PHF12: variants seen among roughly 807,000 people sequenced by gnomAD.
PHF12 encodes PHD factor 1.
PHF12 carries 6 observed loss-of-function variants against 99.8 expected under a neutral mutation model. The observed-to-expected ratio is 0.06, with a 90% CI of 0.03 to 0.12. The LOEUF (loss-of-function observed/expected upper bound fraction) is 0.12. Ranked by LOEUF, PHF12 falls within the 10% of genes least tolerant of loss-of-function variation. The pLI is 1.00. For missense variants in PHF12, 954 were observed against 1,300.1 expected (o/e 0.73, Z 4.09); for synonymous variants, 480 against 514.9 (o/e 0.93, Z 0.92).
chr17:28,938,400 T>C (rs2040548150), intron 2 of PHF12, among the ~76,000 whole-genome samples: 1 of 152,222 alleles, frequency 6.6e-6, no homozygotes, highest in Admixed American at 6.5e-5. Flanking sequence ...CGGCTAATTT[T>C]TGTATTTTTA....
chr17:28,936,769 T>C (rs924725888), intron 2 of PHF12, among the ~76,000 whole-genome samples: 1 of 152,242 alleles, frequency 6.6e-6, no homozygotes, highest in Non-Finnish European at 1.5e-5. Context: ...GCAGTTTTGA[T>C]TTTTAATTTC....
chr17:28,950,736 G>A lies in PHF12; in HGVS notation c.66+159C>T. On this transcript the variant is annotated intron_variant, in intron 1 of 14. Transcript: ENST00000332830. This position sits in a 1 kb window ranked among gnomAD's most constrained non-coding sequence, Gnocchi z 5.7. ...CAAACGTCCTCGGAGGCTGAGCTCA[G>A]CCCCCTAAATTGCAAAGAGGGGAGG... is the stretch of plus-strand genomic sequence containing the variant. 1.9e-6 allele frequency: 2 copies of A among 1,059,826 alleles called. No homozygotes were observed. Among genetic ancestry groups the A allele is most frequent in the Non-Finnish European group, 2.6e-6 (2 of 773,996 alleles). 65.7% of individuals were successfully genotyped at this position (1,059,826 alleles called of 1,614,324 possible). A position where few individuals can be genotyped will look rare whatever the true frequency, so the allele number is the denominator to read the frequency against.
intron 2 of PHF12, among the ~76,000 whole-genome samples, chr17:28,942,488 C>T (rs1011160604): frequency 6.6e-6 from 1 of 151,960 alleles, no homozygotes; most frequent in Non-Finnish European, 1.5e-5. Flanking sequence ...CCACTGCCCT[C>T]CAGCCTGGGA....
At chr17:28,916,623 T>C (rs2040067242) in intron 7 of PHF12, among the ~76,000 whole-genome samples, 1 of 152,226 alleles carries the variant, frequency 6.6e-6, no homozygotes, top group African/African-American at 2.4e-5. Flanking sequence ...GGGTATATAG[T>C]GTTGGACCCT....
rs2040770451 is a variant in PHF12, at chr17:28,949,439, G to A, written c.248+626C>T. On this transcript the variant is annotated intron_variant, in intron 2 of 14. Transcript: ENST00000332830. The surrounding 1 kb of genome is among the most constrained non-coding windows in gnomAD (Gnocchi z 4.6). ...GGAGCTTCTGCAGAAAGGACTCTGG[G>A]GCTGTCCCCACCGTTCCCCCGAGAG... is the stretch of plus-strand genomic sequence containing the variant. Among the ~76,000 whole-genome samples, 1 of 152,126 alleles carries A rather than the reference G, an allele frequency of 6.6e-6. No homozygotes were observed. The highest frequency in any genetic ancestry group is 2.1e-4 in the South Asian group (1 of 4,828).
At chr17:28,916,804 G>A (rs775682273) in intron 7 of PHF12, among the ~76,000 whole-genome samples, 2 of 152,198 alleles carry the variant, frequency 1.3e-5, no homozygotes, top group Non-Finnish European at 2.9e-5. Context: ...TGGAGCATTG[G>A]TGATATATTA....
intron 10 of PHF12, 71 bp from the exon 11 acceptor site, chr17:28,910,440 CAG>C (rs1159137399): frequency 6.6e-7 from 1 of 1,511,140 alleles, no homozygotes; most frequent in Non-Finnish European, 9.0e-7. Flanking sequence ...ATCAGGGTCA[CAG>C]AGCAAATAGT....
intron 2 of PHF12, among the ~76,000 whole-genome samples, chr17:28,939,897 G>A (rs908153906): frequency 1.3e-5 from 2 of 152,168 alleles, no homozygotes; most frequent in African/African-American, 4.8e-5. Flanking sequence ...AAACCCTGCA[G>A]AGAGTCCTCT....
At chr17:28,935,317 G>A (rs776434025) in intron 2 of PHF12, among the ~76,000 whole-genome samples, 1 of 151,984 alleles carries the variant, frequency 6.6e-6, no homozygotes, top group Non-Finnish European at 1.5e-5. Flanking sequence ...TGTCGCCCAG[G>A]CTGGAATGCA....
intron 2 of PHF12, among the ~76,000 whole-genome samples, chr17:28,930,138 G>A (rs1183265547): frequency 6.6e-6 from 1 of 152,148 alleles, no homozygotes; most frequent in Admixed American, 6.5e-5. Flanking sequence ...AGACCATACT[G>A]TTTCTCATCT....
At chr17:28,927,235 T>C (rs1048326668) in intron 2 of PHF12, among the ~76,000 whole-genome samples, 172 bp from the exon 3 acceptor site, 2 of 151,950 alleles carry the variant, frequency 1.3e-5, no homozygotes, top group African/African-American at 2.4e-5. Flanking sequence ...ACCTAAGGAG[T>C]GACCATCCCT....
intron 4 of PHF12, among the ~76,000 whole-genome samples, chr17:28,923,635 G>C (rs2040206280): frequency 1.7e-5 from 1 of 58,496 alleles, no homozygotes; most frequent in East Asian, 3.7e-4. Context: ...TCTAGCCTGA[G>C]TGACAAAGTG....
chr17:28,935,144 G>A (rs2040486191), intron 2 of PHF12, among the ~76,000 whole-genome samples: 1 of 152,186 alleles, frequency 6.6e-6, no homozygotes, highest in South Asian at 2.1e-4. Context: ...CTCTTGCAGA[G>A]TATCTTCCCA....
chr17:28,948,179 A>G (rs1206763438), intron 2 of PHF12, among the ~76,000 whole-genome samples: 1 of 152,242 alleles, frequency 6.6e-6, no homozygotes, highest in Non-Finnish European at 1.5e-5. Context: ...CTCAACATGC[A>G]TGTCAGCAAT....
chr17:28,915,682 C>T (rs188846882), intron 7 of PHF12, among the ~76,000 whole-genome samples: 1 of 152,228 alleles, frequency 6.6e-6, no homozygotes, highest in East Asian at 1.9e-4. Context: ...AAGAGAAATT[C>T]GCAACGAAGA....
rs1031538135 is a variant in PHF12 at position 28,950,540 on chromosome 17, G to C, written c.67-294C>G. The stretch of plus-strand genomic sequence containing the variant: ...GCCACTTCCTTGTATGGACAGTGGG[G>C]GACTCCAAAGACCCGCTCGGGAGAG... On this transcript the variant is annotated intron_variant, in intron 1 of 14. Coordinates refer to ENST00000332830, the MANE Select transcript of PHF12 (RefSeq NM_001033561.2). This position sits in a 1 kb window ranked among gnomAD's most constrained non-coding sequence, Gnocchi z 5.7. 7.5e-6 allele frequency: 4 copies of C among 532,522 alleles called. No homozygotes were observed. The highest frequency in any genetic ancestry group is 1.3e-5 in the Non-Finnish European group (4 of 300,216). 33.0% of individuals were successfully genotyped at this position (532,522 alleles called of 1,614,324 possible).
chr17:28,940,120 C>A (rs1279488704), intron 2 of PHF12, among the ~76,000 whole-genome samples: 1 of 152,192 alleles, frequency 6.6e-6, no homozygotes, highest in African/African-American at 2.4e-5. Flanking sequence ...ACACCAAAGT[C>A]ACTAACTTAA....
chr17:28,923,744 A>G (rs570033578), intron 4 of PHF12, among the ~76,000 whole-genome samples, 165 bp downstream of exon 4: 1 of 151,108 alleles, frequency 6.6e-6, no homozygotes, highest in South Asian at 2.1e-4. Context: ...AAACTGAGTA[A>G]GCTCTGTAAT....
chr17:28,920,926 TGCAGTGGC>T (rs1251053444), intron 5 of PHF12, among the ~76,000 whole-genome samples: 1 of 152,024 alleles, frequency 6.6e-6, no homozygotes, highest in African/African-American at 2.4e-5. Flanking sequence ...CAGGCTGGAG[TGCAGTGGC>T]GCGATCTTGG....
Sources: allele counts gnomAD v4.1 joint callset (sites outside exome capture counted in the v4.1 genomes callset), GRCh38; gene constraint gnomAD v4.1.1; non-coding constraint Gnocchi (gnomAD v3.1); transcripts MANE v1.5; gene names NCBI Gene and HGNC (gene_info 2026-07-23, HGNC 2026-07-21).